Variants in PES1 observed in about 807,000 individuals in gnomAD.
PES1 encodes pescadillo homolog.
PES1 carries 31 observed loss-of-function variants against 77.1 expected under a neutral mutation model. The ratio of observed to expected loss-of-function variants is 0.40; its 90% confidence interval spans 0.30 to 0.54. PES1 has a LOEUF of 0.54. Ranked by LOEUF, PES1 falls within the 20% of genes least tolerant of loss-of-function variation. PES1 has a pLI of 0.45. For synonymous variants in PES1, 282 were observed against 303.0 expected, an observed-to-expected ratio of 0.93 and a Z score of 0.72; for missense variants, 658 against 771.7, an observed-to-expected ratio of 0.85 and a Z score of 1.75.
At chr22:30,578,692 G>T (rs1215341605) in intron 14 of PES1, 145 bp downstream of exon 14, 5 of 942,354 alleles carry the variant, frequency 5.3e-6, no homozygotes, top group Non-Finnish European at 8.0e-6. Flanking sequence ...GGCCCCAAAG[G>T]CTGGGCTGGG....
At chr22:30,600,632 C>G (rs768264240) in intron 2 of PES1, among the ~76,000 whole-genome samples, 1 of 151,944 alleles carries the variant, frequency 6.6e-6, no homozygotes, top group African/African-American at 2.4e-5. Context: ...CTGGCTAACA[C>G]GGTGAAACCC....
chr22:30,587,901 C>T, intron 3 of PES1, 120 bp downstream of exon 3: 1 of 980,554 alleles, frequency 1.0e-6, no homozygotes, highest in Non-Finnish European at 1.5e-6. Flanking sequence ...TGTTGAGGCT[C>T]ACCCTGCCCT....
At chr22:30,587,205 T>C in intron 4 of PES1, 81 bp downstream of exon 4, 1 of 1,028,762 alleles carries the variant, frequency 9.7e-7, no homozygotes, top group Admixed American at 1.8e-5. Flanking sequence ...TTGGTCTTAT[T>C]CCCTATTGTA....
At chr22:30,581,162 G>A in intron 8 of PES1, 61 bp from the exon 9 acceptor site, 1 of 1,452,696 alleles carries the variant, frequency 6.9e-7, no homozygotes, top group Non-Finnish European at 9.5e-7. Context: ...TGGCCAGGGT[G>A]GGGAGGGGCA....
intron 10 of PES1, 120 bp from the exon 11 acceptor site, chr22:30,580,298 C>T: frequency 2.3e-6 from 3 of 1,278,406 alleles, no homozygotes; most frequent in Non-Finnish European, 3.2e-6. Flanking sequence ...GACACAATTA[C>T]CCCCTCCTCA....
chr22:30,603,079 T>A (rs1185574036), intron 2 of PES1, among the ~76,000 whole-genome samples: 1 of 151,758 alleles, frequency 6.6e-6, no homozygotes, highest in African/African-American at 2.4e-5. Flanking sequence ...CGCAGCTAAT[T>A]TTTGTATTTT....
intron 4 of PES1, among the ~76,000 whole-genome samples, chr22:30,586,133 A>G (rs1280449820): frequency 6.6e-6 from 1 of 152,228 alleles, no homozygotes; most frequent in African/African-American, 2.4e-5. Flanking sequence ...CACCACAACC[A>G]CATCACCACA....
At chr22:30,592,754 G>A (rs1346896726), upstream of PES1, among the ~76,000 whole-genome samples, 1 of 152,130 alleles carries the variant, frequency 6.6e-6, no homozygotes, top group Non-Finnish European at 1.5e-5. Context: ...CCGAGATCTT[G>A]CCACTGCACT....
rs573870837 is a variant in PES1 at position 30,587,112 on chromosome 22, A to G, written c.368+174T>C. 1.4e-5 allele frequency: 8 copies of G among 591,868 alleles called. No individual in the cohort carries two copies. The Admixed American group carries it at 2.5e-4, about 18-fold the overall frequency. 36.7% of individuals were successfully genotyped at this position (591,868 alleles called of 1,614,324 possible). ...CCCCTCTGACAAGCCTGTAACTACAAACCTCGTAATCATTATAGTAATTTG... is the reference window on the plus strand; with the variant it reads ...CCCCTCTGACAAGCCTGTAACTACAGACCTCGTAATCATTATAGTAATTTG... On this transcript the variant is annotated intron_variant, in intron 4 of 14. Transcript: ENST00000354694.
chr22:30,599,275 A>G (rs150381553), intron 2 of PES1, among the ~76,000 whole-genome samples: 1 of 144,304 alleles, frequency 6.9e-6, no homozygotes, highest in Non-Finnish European at 1.5e-5. Flanking sequence ...AATTGTTAAC[A>G]TACATTTTTG....
chr22:30,588,302 C>G, intron 2 of PES1, 128 bp from the exon 3 acceptor site: 3 of 993,118 alleles, frequency 3.0e-6, no homozygotes. Flanking sequence ...ACCTCACATC[C>G]TAGTACATGA....
Position 30,581,986 on chromosome 22 carries a change from G to A in PES1, c.631-342C>T, listed in dbSNP as rs974120740. Among the ~76,000 whole-genome samples the A allele has an allele frequency of 3.9e-5, 6 of 152,286 alleles. No homozygotes were observed. In the East Asian group the frequency reaches 9.7e-4, roughly 25 times the overall value. On this transcript the variant is annotated intron_variant, in intron 6 of 14. Transcript: ENST00000354694. ...TGGCTGGCCCTCCCCTCCCTGCTCC[G>A]GCTCTCCCACTTCCTTCAGGTCTAG...
At chr22:30,578,486 GA>G (rs964579772) in intron 14 of PES1, among the ~76,000 whole-genome samples, 1 of 152,136 alleles carries the variant, frequency 6.6e-6, no homozygotes, top group African/African-American at 2.4e-5. Context: ...TCATGAACAA[GA>G]AAATACAAAA....
chr22:30,584,212 C>G lies in PES1; in HGVS notation c.630+153G>C, dbSNP rs1569023798. ...TAGGCTCCCGCTCTTAATGAGGATG[C>G]TGTGTGGCACATTCTGCCGCGCCTC... On this transcript the variant is annotated intron_variant, in intron 6 of 14. Transcript: ENST00000354694. 3 of 648,524 alleles carry G rather than the reference C, an allele frequency of 4.6e-6. No homozygotes were observed. In the East Asian group the frequency reaches 8.2e-5, roughly 18 times the overall value. 40.2% of individuals were successfully genotyped at this position (648,524 alleles called of 1,614,324 possible). A position where few individuals can be genotyped will look rare whatever the true frequency, so the allele number is the denominator to read the frequency against.
chr22:30,579,840 TGTGG>T lies in PES1; in HGVS notation c.1261_1264del (p.Pro421ThrfsTer6). The stretch of plus-strand genomic sequence containing the variant: ...CTTCTCGGTCACAAAGGGTGAAAGG[TGTGG>T]GGGCAGCTGCACCCCAGAGAAGTAC... On this transcript the variant is annotated frameshift_variant, in exon 12 of 15. Transcript: ENST00000354694. LOFTEE classifies it high-confidence loss of function. 6.2e-7 allele frequency: 1 copy of T among 1,613,848 alleles called. No homozygotes were observed. Among genetic ancestry groups the T allele is most frequent in the South Asian group, 1.1e-5 (1 of 91,068 alleles).
chr22:30,597,210 C>T (rs950067457), intron 2 of PES1, among the ~76,000 whole-genome samples: 5 of 151,996 alleles, frequency 3.3e-5, no homozygotes, highest in South Asian at 2.1e-4. Context: ...TGCTCCCCAG[C>T]GCCCGGTCAC....
chr22:30,581,570 G>T lies in PES1; in HGVS notation c.705C>A (p.Asn235Lys). The stretch of plus-strand genomic sequence containing the variant: ...GGTTGAGCAACTGGTAAAGGCGGAA[G>T]TTGACAAAGCCCAGCAGCGTGGTGT... ...EFYTTLLGFV[N>K]FRLYQLLNLH... Residue 235 changes from asparagine (N) to lysine (K), a missense_variant, in exon 7 of 15, where the codon AAC (asparagine) becomes AAA (lysine). Transcript: ENST00000354694. The T allele has an allele frequency of 6.2e-7, 1 of 1,613,918 alleles. No individual in the cohort carries two copies. The highest frequency in any genetic ancestry group is 8.5e-7 in the Non-Finnish European group (1 of 1,180,006).
Position 30,588,047 on chromosome 22 carries a change from T to A in PES1, c.232A>T (p.Ile78Phe). ...KDIRFLLHEP[I>F]VNKFREYKVF... is the part of the protein sequence containing the mutation. Reference sequence around the variant, plus strand: ...TTGTATTCACGGAACTTGTTGACAATGGGTTCGTGGAGGAGAAACCTGATG... The same window carrying A: ...TTGTATTCACGGAACTTGTTGACAAAGGGTTCGTGGAGGAGAAACCTGATG... Residue 78 changes from isoleucine (I) to phenylalanine (F), a missense_variant, in exon 3 of 15, where the codon ATT (isoleucine) becomes TTT (phenylalanine). Coordinates refer to ENST00000354694, the MANE Select transcript of PES1 (RefSeq NM_014303.4). 6.2e-7 allele frequency: 1 copy of A among 1,614,068 alleles called. No homozygotes were observed.
At chr22:30,604,534 G>A (rs2087407015) in intron 2 of PES1, among the ~76,000 whole-genome samples, 1 of 152,262 alleles carries the variant, frequency 6.6e-6, no homozygotes, top group Middle Eastern at 3.4e-3. Flanking sequence ...TCAAGAGGTT[G>A]AGGCAGGAGA....
Sources: gnomAD v4.1 joint callset for allele counts (sites outside exome capture counted in the v4.1 genomes callset) on GRCh38, gnomAD v4.1.1 for gene constraint, MANE v1.5 for transcripts, NCBI Gene and HGNC (gene_info 2026-07-23, HGNC 2026-07-21) for gene names.